The following FAM227B variants were observed in gnomAD, a reference collection of about 807,000 sequenced individuals.
FAM227B encodes protein FAM227B.
Under a neutral mutation model 73.8 loss-of-function variants are expected in FAM227B, and 88 were observed. The ratio of observed to expected loss-of-function variants is 1.19; its 90% CI spans 1.00 to 1.42. The LOEUF is 1.42. FAM227B is among the 40% of genes most tolerant of loss of function. FAM227B has a pLI of 0.00. For synonymous variants in FAM227B, 210 were observed against 190.5 expected, an observed-to-expected ratio of 1.10 and a Z score of -0.84; for missense variants, 632 against 590.9, an observed-to-expected ratio of 1.07 and a Z score of -0.72.
chr15:49,604,520 G>A (rs2077392350), intron 3 of FAM227B, among the ~76,000 whole-genome samples: 1 of 151,742 alleles, frequency 6.6e-6, no homozygotes, highest in African/African-American at 2.4e-5. Context: ...TGTATCTTGG[G>A]GAAGATTTCT....
At chr15:49,365,882 T>C (rs1023930373) in intron 13 of FAM227B, 10 of 963,380 alleles carry the variant, frequency 1.0e-5, no homozygotes, top group Non-Finnish European at 1.4e-5. Context: ...ATCTTATGAA[T>C]TAGTGCAGCA....
At chr15:49,336,203 G>A (rs1263905152) in intron 13 of FAM227B, among the ~76,000 whole-genome samples, 1 of 152,226 alleles carries the variant, frequency 6.6e-6, no homozygotes, top group African/African-American at 2.4e-5. Context: ...AGTTAGCCTG[G>A]CTTCTGCCAT....
chr15:49,546,865 A>G (rs2071984786), intron 9 of FAM227B, among the ~76,000 whole-genome samples: 1 of 152,184 alleles, frequency 6.6e-6, no homozygotes, highest in Admixed American at 6.5e-5. Context: ...TCTGCAGGAT[A>G]TTATCCAGGA....
At chr15:49,474,836 A>C (rs2055102996) in intron 11 of FAM227B, among the ~76,000 whole-genome samples, 1 of 152,122 alleles carries the variant, frequency 6.6e-6, no homozygotes, top group Admixed American at 6.5e-5. Context: ...CGAAAATCTC[A>C]CTAATGCCTG....
intron 11 of FAM227B, among the ~76,000 whole-genome samples, chr15:49,462,341 A>C (rs531828934): frequency 4.6e-5 from 7 of 152,200 alleles, no homozygotes; most frequent in Non-Finnish European, 1.0e-4. Context: ...GTAAGCTCCT[A>C]ACATATATTT....
chr15:49,412,992 GTCT>G (rs1468312413), intron 11 of FAM227B, among the ~76,000 whole-genome samples: 1 of 151,952 alleles, frequency 6.6e-6, no homozygotes. Context: ...TCTAATCCTG[GTCT>G]TCTCCCAGTC....
chr15:49,472,889 A>G (rs1270979014), intron 11 of FAM227B, among the ~76,000 whole-genome samples: 2 of 148,990 alleles, frequency 1.3e-5, no homozygotes, highest in Non-Finnish European at 3.0e-5. Context: ...AATAAGAGAA[A>G]GGAGTATCTA....
chr15:49,501,546 C>T (rs2058137424), intron 11 of FAM227B, among the ~76,000 whole-genome samples: 1 of 152,144 alleles, frequency 6.6e-6, no homozygotes, highest in Admixed American at 6.5e-5. Flanking sequence ...ACAGACGACA[C>T]TCAGATGCAG....
At chr15:49,402,135 C>A (rs181892871) in intron 11 of FAM227B, among the ~76,000 whole-genome samples, 14 of 152,214 alleles carry the variant, frequency 9.2e-5, no homozygotes, top group Admixed American at 3.9e-4. Flanking sequence ...CAAGTAACAT[C>A]ATCTTCAGAC....
intron 11 of FAM227B, among the ~76,000 whole-genome samples, chr15:49,386,228 A>G (rs1011037505): frequency 1.3e-5 from 2 of 151,816 alleles, no homozygotes; most frequent in Non-Finnish European, 2.9e-5. Context: ...AACATTCTCC[A>G]AGACAGACCA....
At chr15:49,332,919 C>G (rs1017301868) in intron 14 of FAM227B, among the ~76,000 whole-genome samples, 1 of 152,110 alleles carries the variant, frequency 6.6e-6, no homozygotes, top group African/African-American at 2.4e-5. Flanking sequence ...CTCATTCTCT[C>G]TCTGCTTGTT....
chr15:49,393,316 T>G (rs2151581873), intron 11 of FAM227B, among the ~76,000 whole-genome samples: 1 of 152,276 alleles, frequency 6.6e-6, no homozygotes, highest in African/African-American at 2.4e-5. Flanking sequence ...CCTCTTTGTT[T>G]GGAGCCATTG....
chr15:49,462,118 C>CA (rs889065102), intron 11 of FAM227B, among the ~76,000 whole-genome samples: 36 of 146,148 alleles, frequency 2.5e-4, no homozygotes, highest in Admixed American at 5.4e-4. Flanking sequence ...GACTCCATCT[C>CA]AAAAAAAAAA....
chr15:49,565,465 A>T (rs1326641198), intron 9 of FAM227B, among the ~76,000 whole-genome samples: 1 of 152,128 alleles, frequency 6.6e-6, no homozygotes, highest in Non-Finnish European at 1.5e-5. Flanking sequence ...TAAACTATTA[A>T]ATTCCTCTCA....
chr15:49,510,076 A>C (rs918388427), intron 10 of FAM227B, among the ~76,000 whole-genome samples: 1 of 152,060 alleles, frequency 6.6e-6, no homozygotes, highest in East Asian at 1.9e-4. Context: ...AGCACACACA[A>C]AAAAGGGCTA....
chr15:49,619,469 C>T (rs2078519697), intron 1 of FAM227B, among the ~76,000 whole-genome samples: 2 of 152,186 alleles, frequency 1.3e-5, no homozygotes, highest in South Asian at 4.1e-4. Flanking sequence ...GACTACCTTG[C>T]TGCCATACTG....
chr15:49,392,704 TTGAAA>T (rs1406679490), intron 11 of FAM227B, among the ~76,000 whole-genome samples: 3 of 152,214 alleles, frequency 2.0e-5, no homozygotes, highest in Non-Finnish European at 4.4e-5. Flanking sequence ...TTGAGGATGA[TTGAAA>T]TAACTGGTGG....
intron 11 of FAM227B, among the ~76,000 whole-genome samples, chr15:49,481,612 T>C (rs1243093033): frequency 1.3e-5 from 2 of 152,190 alleles, no homozygotes; most frequent in Non-Finnish European, 2.9e-5. Flanking sequence ...TTCAAAATTC[T>C]GCAAAATATA....
intron 15 of FAM227B, 52 bp from the exon 16 acceptor site, chr15:49,328,727 T>C: frequency 3.3e-6 from 5 of 1,521,328 alleles, no homozygotes; most frequent in Non-Finnish European, 4.4e-6. Flanking sequence ...GGACATTGTA[T>C]AATTGAATTT....
Sources: allele counts gnomAD v4.1 joint callset (sites outside exome capture counted in the v4.1 genomes callset), GRCh38; gene constraint gnomAD v4.1.1; transcripts MANE v1.5; gene names NCBI Gene and HGNC (gene_info 2026-07-23, HGNC 2026-07-21).